Variants in PAN3 observed in about 807,000 individuals in gnomAD.
PAN3 encodes the protein PAN2-PAN3 deadenylation complex subunit PAN3.
PAN3 carries 19 observed loss-of-function variants against 96.2 expected under a neutral mutation model. The ratio of observed to expected loss-of-function variants is 0.20; its 90% CI spans 0.14 to 0.29. PAN3 has a LOEUF of 0.29. PAN3 is among the 10% of genes least tolerant of loss of function. The pLI, the probability that PAN3 is intolerant of heterozygous loss-of-function variation, is 1.00. For missense variants in PAN3, 882 were observed against 1,108.1 expected, an observed-to-expected ratio of 0.80 and a Z score of 2.90; for synonymous variants, 433 against 406.6, an observed-to-expected ratio of 1.06 and a Z score of -0.78.
intron 18 of PAN3, among the ~76,000 whole-genome samples, chr13:28,288,580 C>T (rs1475394619): frequency 1.3e-5 from 2 of 152,200 alleles, no homozygotes; most frequent in Non-Finnish European, 2.9e-5. Context: ...GCGTGAGCCA[C>T]TGCGCCTGGC....
At chr13:28,240,676 A>T (rs1883573385) in intron 6 of PAN3, among the ~76,000 whole-genome samples, 1 of 152,236 alleles carries the variant, frequency 6.6e-6, no homozygotes, top group South Asian at 2.1e-4. Context: ...CCATAGCTGC[A>T]TGATTCTTAT....
intron 6 of PAN3, among the ~76,000 whole-genome samples, chr13:28,220,593 A>G (rs1438271302): frequency 6.6e-6 from 1 of 152,146 alleles, no homozygotes; most frequent in Admixed American, 6.5e-5. Flanking sequence ...AAGAATTTTT[A>G]TATATAAAAC....
chr13:28,274,540 G>T, intron 14 of PAN3, among the ~76,000 whole-genome samples: 1 of 150,238 alleles, frequency 6.7e-6, no homozygotes, highest in Admixed American at 6.6e-5. Context: ...TTTCTCAGTA[G>T]GGTTCCTTTT....
chr13:28,223,935 C>T (rs1236689394), intron 6 of PAN3, among the ~76,000 whole-genome samples: 3 of 122,150 alleles, frequency 2.5e-5, no homozygotes, highest in East Asian at 2.6e-4. Flanking sequence ...GGCTGGAGTG[C>T]GTGGCTCATT....
intron 1 of PAN3, among the ~76,000 whole-genome samples, chr13:28,165,246 G>A (rs1873384219): frequency 6.7e-6 from 1 of 149,524 alleles, no homozygotes; most frequent in Admixed American, 6.6e-5. Context: ...TTGGTCCAAA[G>A]TTTGAAATTT....
At chr13:28,221,222 A>G (rs914938023) in intron 6 of PAN3, among the ~76,000 whole-genome samples, 1 of 152,152 alleles carries the variant, frequency 6.6e-6, no homozygotes, top group African/African-American at 2.4e-5. Flanking sequence ...GGTATGCACA[A>G]TCACATTGAA....
At chr13:28,234,165 C>CCCTT (rs1555285430) in intron 6 of PAN3, among the ~76,000 whole-genome samples, 8 of 152,096 alleles carry the variant, frequency 5.3e-5, no homozygotes, top group Non-Finnish European at 1.2e-4. Context: ...ACAGGCTTCC[C>CCCTT]CCTTCCTCTT....
chr13:28,141,659 G>A (rs1300267339), intron 1 of PAN3, among the ~76,000 whole-genome samples: 6 of 151,768 alleles, frequency 4.0e-5, no homozygotes, highest in African/African-American at 1.2e-4. Context: ...TAGACACGGG[G>A]TTTCTCCATG....
At position 28,154,388 on chromosome 13, in the gene PAN3, GT is replaced by G. The variant is rs376178418; in HGVS notation, c.430+15311del. 1.4e-3 allele frequency among the ~76,000 whole-genome samples: 208 copies of G among 149,018 alleles called. 1 individual carries two copies. Among genetic ancestry groups the G allele is most frequent in the African/African-American group, 4.7e-3 (192 of 40,692 alleles). On this transcript the variant is annotated intron_variant, in intron 1 of 18. Transcript: ENST00000380958. ...AAAATTTCTGTTTCGGGATTTTTTG[GT>G]TTTTTTTTTCTTACTATAGGCCTTG...
intron 5 of PAN3, among the ~76,000 whole-genome samples, chr13:28,205,267 C>G (rs1458138351): frequency 6.6e-6 from 1 of 152,102 alleles, no homozygotes; most frequent in Non-Finnish European, 1.5e-5. Flanking sequence ...TTCAAGCTAT[C>G]TACTTAGGGT....
intron 1 of PAN3, among the ~76,000 whole-genome samples, chr13:28,162,698 G>T (rs917919321): frequency 6.6e-6 from 1 of 151,540 alleles, no homozygotes; most frequent in Non-Finnish European, 1.5e-5. Flanking sequence ...AATGTGCTAG[G>T]CTGGGCTCAG....
At chr13:28,259,874 G>A (rs1403919325) in intron 7 of PAN3, among the ~76,000 whole-genome samples, 3 of 152,002 alleles carry the variant, frequency 2.0e-5, no homozygotes, top group Non-Finnish European at 2.9e-5. Context: ...CCAACCTCAG[G>A]TGATCTGCCC....
intron 5 of PAN3, among the ~76,000 whole-genome samples, chr13:28,216,446 G>C (rs892654496): frequency 5.9e-5 from 9 of 152,068 alleles, no homozygotes; most frequent in Admixed American, 5.2e-4. Flanking sequence ...TCTGTGTCAA[G>C]AGTTACCAAA....
chr13:28,288,828 A>AT (rs756889416), intron 18 of PAN3, among the ~76,000 whole-genome samples: 21,557 of 123,720 alleles, frequency 0.17, 3,387 homozygotes, highest in African/African-American at 0.36. Flanking sequence ...TTAACTATAG[A>AT]TTTTTTTTTT....
chr13:28,176,431 G>T, intron 2 of PAN3, 62 bp from the exon 3 acceptor site: 1 of 1,440,076 alleles, frequency 6.9e-7, no homozygotes, highest in Non-Finnish European at 9.8e-7. Context: ...AGTCTTAATT[G>T]GTTGGATACT....
At chr13:28,143,504 A>G (rs781067027) in intron 1 of PAN3, among the ~76,000 whole-genome samples, 36 of 152,284 alleles carry the variant, frequency 2.4e-4, no homozygotes, top group Non-Finnish European at 1.3e-4. Flanking sequence ...ACACTTTTCA[A>G]TTCTCCTAAT....
At position 28,142,511 on chromosome 13, in the gene PAN3, A is replaced by ATTTTTTTTT. The variant is rs74881179; in HGVS notation, c.430+3435_430+3443dup. Among the ~76,000 whole-genome samples, 1,122 of 126,508 alleles carry ATTTTTTTTT rather than the reference A, an allele frequency of 8.9e-3. 16 individuals carry two copies. Among genetic ancestry groups the ATTTTTTTTT allele is most frequent in the Middle Eastern group, 0.021 (5 of 238 alleles). The allele number at this position is 126,508 out of a possible 152,430, so 83.0% of individuals were successfully genotyped here. A position where few individuals can be genotyped will look rare whatever the true frequency, so the allele number is the denominator to read the frequency against. ...TGTGAGGCAGTTAAAATAGATGGCA[A>ATTTTTTTTT]TTTTTTTTTTTTTTTTTTTGAGACA... On this transcript the variant is annotated intron_variant, in intron 1 of 18. Transcript: ENST00000380958.
At chr13:28,139,975 T>A (rs1010967385) in intron 1 of PAN3, among the ~76,000 whole-genome samples, 10 of 151,922 alleles carry the variant, frequency 6.6e-5, no homozygotes, top group Admixed American at 2.0e-4. Flanking sequence ...TTGGAGAGAG[T>A]CTCGCCCTGT....
At chr13:28,186,412 A>T (rs896129669) in intron 4 of PAN3, among the ~76,000 whole-genome samples, 25 of 152,152 alleles carry the variant, frequency 1.6e-4, no homozygotes, top group Admixed American at 1.3e-4. Context: ...ATCATCTGTA[A>T]AGTTGGTATA....
Sources: allele counts gnomAD v4.1 joint callset (sites outside exome capture counted in the v4.1 genomes callset), GRCh38; gene constraint gnomAD v4.1.1; transcripts MANE v1.5; gene names NCBI Gene and HGNC (gene_info 2026-07-23, HGNC 2026-07-21).